Variants in ANKRD44 observed in about 807,000 individuals in gnomAD.
ANKRD44 encodes the protein ankyrin repeat domain 44, also known as serine/threonine-protein phosphatase 6 regulatory ankyrin repeat subunit B.
ANKRD44 carries 35 observed loss-of-function variants against 116.0 expected under a neutral mutation model. The ratio of observed to expected loss-of-function variants is 0.30; its 90% CI spans 0.23 to 0.40. The LOEUF (loss-of-function observed/expected upper bound fraction) is 0.40. ANKRD44 is among the 10% of genes least tolerant of loss of function. The pLI is 1.00. For synonymous variants in ANKRD44, 435 were observed against 461.8 expected, an observed-to-expected ratio of 0.94 and a Z score of 0.74; for missense variants, 1,014 against 1,242.6, an observed-to-expected ratio of 0.82 and a Z score of 2.77.
At chr2:197,133,773 G>C (rs1259668566) in intron 4 of ANKRD44, among the ~76,000 whole-genome samples, 1 of 151,980 alleles carries the variant, frequency 6.6e-6, no homozygotes, top group African/African-American at 2.4e-5. Context: ...TTAGTTAGGA[G>C]AGGCATAAAA....
At chr2:197,050,399 A>T (rs1184116170) in intron 16 of ANKRD44, among the ~76,000 whole-genome samples, 1 of 151,810 alleles carries the variant, frequency 6.6e-6, no homozygotes, top group African/African-American at 2.4e-5. Context: ...CCTATTTCAA[A>T]TTCACAATAT....
chr2:197,103,369 A>G (rs905536399), intron 9 of ANKRD44, among the ~76,000 whole-genome samples: 1 of 152,080 alleles, frequency 6.6e-6, no homozygotes, highest in African/African-American at 2.4e-5. Flanking sequence ...TTTCTTTTTC[A>G]GATATAGATA....
intron 5 of ANKRD44, 113 bp from the exon 6 acceptor site, chr2:197,125,581 A>G (rs1239549816): frequency 3.1e-5 from 33 of 1,057,894 alleles, no homozygotes; most frequent in Non-Finnish European, 4.5e-5. Context: ...CAGGTCAGAG[A>G]TCTGGAGTTC....
Position 196,987,104 on chromosome 2 carries a change from C to T in ANKRD44, c.*2487G>A. ...GAATTTTTAGATCACATAAGAAACG[C>T]ATAGAATTACATTTTATACAAACAC... On this transcript the variant is annotated 3_prime_UTR_variant, in exon 28 of 28. Coordinates refer to ENST00000282272, the MANE Select transcript of ANKRD44 (RefSeq NM_001195144.2). 2.0e-6 allele frequency: 2 copies of T among 984,232 alleles called. No homozygotes were observed. The highest frequency in any genetic ancestry group is 2.4e-6 in the Non-Finnish European group (2 of 828,882). The allele number at this position is 984,232 out of a possible 1,614,324, so 61.0% of individuals were successfully genotyped here.
At chr2:196,996,156 A>G (rs1488603452) in intron 25 of ANKRD44, among the ~76,000 whole-genome samples, 1 of 152,202 alleles carries the variant, frequency 6.6e-6, no homozygotes, top group Admixed American at 6.5e-5. Context: ...TCACATTAGT[A>G]TTACTGGGAG....
At chr2:197,180,207 T>C (rs150793728) in intron 2 of ANKRD44, among the ~76,000 whole-genome samples, 81 of 152,310 alleles carry the variant, frequency 5.3e-4, no homozygotes, top group African/African-American at 1.9e-3. Flanking sequence ...GAAACCTTCA[T>C]CACTGAATAT....
At chr2:197,250,260 C>A (rs999444419) in intron 1 of ANKRD44, among the ~76,000 whole-genome samples, 1 of 152,144 alleles carries the variant, frequency 6.6e-6, no homozygotes, top group Non-Finnish European at 1.5e-5. Context: ...CATCATCACA[C>A]AAGGATGTCC....
In ANKRD44 at chr2:197,125,882, C is replaced by T. The variant is rs756070347; in HGVS notation, c.417G>A (p.Gly139=). 3 of 1,614,194 alleles carry T rather than the reference C, an allele frequency of 1.9e-6. No homozygotes were observed. The South Asian group carries it at 3.3e-5, about 18-fold the overall frequency. ...LLSSVNVSDR[G]GRTALHHAAL... The stretch of plus-strand genomic sequence containing the variant: ...CCGCATGGTGCAAGGCTGTGCGCCC[C>T]CCTCGGTCGGAGACATTGACACTGC... The change falls in exon 5 of 28, where the codon GGG becomes GGA. Residue 139 remains glycine, a synonymous_variant. Coordinates refer to ENST00000282272, the MANE Select transcript of ANKRD44 (RefSeq NM_001195144.2).
intron 10 of ANKRD44, among the ~76,000 whole-genome samples, chr2:197,093,497 T>C (rs1476416821): frequency 1.3e-5 from 2 of 152,184 alleles, no homozygotes; most frequent in Non-Finnish European, 2.9e-5. Flanking sequence ...TTGTTTGATA[T>C]ATATTTTTTA....
intron 20 of ANKRD44, 103 bp from the exon 21 acceptor site, chr2:197,006,013 G>C: frequency 9.7e-7 from 1 of 1,026,054 alleles, no homozygotes; most frequent in Non-Finnish European, 1.5e-6. Flanking sequence ...ACATATGCCT[G>C]GGTCTTTAAG....
Position 196,988,020 on chromosome 2 carries a change from A to T in ANKRD44, c.*1571T>A, listed in dbSNP as rs2075858007. On this transcript the variant is annotated 3_prime_UTR_variant, in exon 28 of 28. Coordinates refer to ENST00000282272, the MANE Select transcript of ANKRD44 (RefSeq NM_001195144.2). ...GATCAGTTGATGTAATGAACAGTTC[A>T]TTGTGAGCATGATTTCATTTCGTTC... The T allele has an allele frequency of 3.0e-6, 3 of 985,310 alleles. No homozygotes were observed. The East Asian group carries it at 3.4e-4, about 112-fold the overall frequency. 61.0% of individuals were successfully genotyped at this position (985,310 alleles called of 1,614,324 possible). A position where few individuals can be genotyped will look rare whatever the true frequency, so the allele number is the denominator to read the frequency against.
rs1179848251 is a variant in ANKRD44, at chr2:197,283,471, CA to C, written c.27+27106del. Among the ~76,000 whole-genome samples the C allele has an allele frequency of 3.9e-5, 6 of 152,246 alleles. No homozygotes were observed. The East Asian group carries it at 1.2e-3, about 29-fold the overall frequency. On this transcript the variant is annotated intron_variant, in intron 1 of 27. Coordinates refer to ENST00000282272, the MANE Select transcript of ANKRD44 (RefSeq NM_001195144.2). The stretch of plus-strand genomic sequence containing the variant: ...CATATAAAGCAATTTCCATATAAAG[CA>C]ATTCCATAAGTTTCTATATAAAGCA...
chr2:197,103,206 C>T (rs2078341657), intron 9 of ANKRD44, among the ~76,000 whole-genome samples: 4 of 129,166 alleles, frequency 3.1e-5, no homozygotes, highest in African/African-American at 5.9e-5. Flanking sequence ...CCAGCCTGGG[C>T]GACAGAGTGA....
chr2:197,023,197 T>C (rs970868051), intron 17 of ANKRD44, among the ~76,000 whole-genome samples: 1 of 152,230 alleles, frequency 6.6e-6, no homozygotes, highest in African/African-American at 2.4e-5. Context: ...TCATGCCATC[T>C]CCACAATGGC....
intron 21 of ANKRD44, among the ~76,000 whole-genome samples, chr2:196,975,804 A>C (rs1004475365): frequency 1.4e-4 from 11 of 80,102 alleles, no homozygotes; most frequent in Non-Finnish European, 2.9e-4. Flanking sequence ...AAAAAAGAAA[A>C]AGAAAAAAGA....
chr2:197,059,458 A>C (rs1006334102), intron 16 of ANKRD44, among the ~76,000 whole-genome samples: 2 of 152,208 alleles, frequency 1.3e-5, no homozygotes, highest in African/African-American at 4.8e-5. Flanking sequence ...AACTTTAAAG[A>C]AAATTCCTTC....
intron 2 of ANKRD44, among the ~76,000 whole-genome samples, chr2:197,153,517 G>T (rs2079718484): frequency 6.6e-6 from 1 of 152,230 alleles, no homozygotes; most frequent in East Asian, 1.9e-4. Context: ...GACACAAAAT[G>T]GGAAGAATGC....
rs1389782092 is a variant in ANKRD44 at position 197,136,681 on chromosome 2, A to G, written c.191-19T>C. The stretch of plus-strand genomic sequence containing the variant: ...CGAGCTCCTGGAATCAAACAGCACA[A>G]GTTAGAGGCATAATGGGGTCAAGGG... On this transcript the variant is annotated intron_variant, in intron 3 of 27. Coordinates refer to ENST00000282272, the MANE Select transcript of ANKRD44 (RefSeq NM_001195144.2). 5.6e-6 allele frequency: 9 copies of G among 1,612,598 alleles called. No individual in the cohort carries two copies. In the African/African-American group the frequency reaches 1.1e-4, roughly 19 times the overall value.
intron 8 of ANKRD44, among the ~76,000 whole-genome samples, chr2:197,117,359 C>A (rs2078736700): frequency 6.6e-6 from 1 of 152,196 alleles, no homozygotes; most frequent in African/African-American, 2.4e-5. Context: ...CCTGCCTCAG[C>A]CTCCTGTGTC....
Sources: gnomAD v4.1 joint callset for allele counts (sites outside exome capture counted in the v4.1 genomes callset) on GRCh38, gnomAD v4.1.1 for gene constraint, MANE v1.5 for transcripts, NCBI Gene and HGNC (gene_info 2026-07-23, HGNC 2026-07-21) for gene names.